The following MSH6 variants were observed in gnomAD, a reference collection of about 807,000 sequenced individuals.
MSH6 encodes the protein DNA mismatch repair protein Msh6.
A neutral mutation model predicts 119.1 loss-of-function variants in MSH6; 85 were observed. That is an observed-to-expected ratio of 0.71 (90% CI 0.60 to 0.85). MSH6 has a LOEUF of 0.85. Among genes scored for constraint, MSH6 ranks in the 40% least tolerant of loss-of-function variants. The pLI is 0.00. For missense variants in MSH6, 2,163 were observed against 1,655.3 expected (o/e 1.31, Z -5.32); for synonymous variants, 830 against 586.9 (o/e 1.41, Z -5.99).
intron 1 of MSH6, chr2:47,783,898 C>CGGGGCGG: frequency 8.9e-6 from 7 of 789,474 alleles, no homozygotes; most frequent in Middle Eastern, 6.4e-4. Flanking sequence ...ACTTGGTGGG[C>CGGGGCGG]GGGGCGGGGG....
chr2:47,793,834 G>A (rs1480363738), intron 2 of MSH6, among the ~76,000 whole-genome samples: 2 of 151,354 alleles, frequency 1.3e-5, no homozygotes, highest in Admixed American at 6.6e-5. Context: ...GGGTTCAAGC[G>A]ATTCTCCTGC....
chr2:47,787,502 T>C (rs1668417428), intron 1 of MSH6, among the ~76,000 whole-genome samples: 1 of 152,206 alleles, frequency 6.6e-6, no homozygotes, highest in Non-Finnish European at 1.5e-5. Flanking sequence ...GCTTTTCCTC[T>C]TAACATTTTT....
intron 2 of MSH6, among the ~76,000 whole-genome samples, chr2:47,795,420 TTA>T (rs1391318576): frequency 8.6e-6 from 1 of 116,884 alleles, no homozygotes; most frequent in South Asian, 3.2e-4. Context: ...ACAAGTTATT[TTA>T]TGTGTGTGTG....
rs1553413626 is a variant in MSH6 at position 47,800,235 on chromosome 2, A to G, written c.2252A>G (p.Asn751Ser). The change falls in exon 4 of 10, where the codon AAT (asparagine) becomes AGT (serine). Residue 751 changes from asparagine (N) to serine (S), a missense_variant. Transcript: ENST00000234420. Reference sequence around the variant, plus strand: ...TTGGAGATTTTTCTGAATGGAACAAATGGTTCTACTGAAGGAACCCTACTA... The same window carrying G: ...TTGGAGATTTTTCTGAATGGAACAAGTGGTTCTACTGAAGGAACCCTACTA... ...NNLEIFLNGT[N>S]GSTEGTLLER... is the part of the protein sequence containing the mutation. 6.2e-7 allele frequency: 1 copy of G among 1,614,202 alleles called. No individual in the cohort carries two copies. The highest frequency in any genetic ancestry group is 8.5e-7 in the Non-Finnish European group (1 of 1,180,020).
chr2:47,799,507 G>A lies in MSH6; in HGVS notation c.1524G>A (p.Val508=), dbSNP rs878853705. The A allele has an allele frequency of 1.9e-6, 3 of 1,614,030 alleles. No homozygotes were observed. The highest frequency in any genetic ancestry group is 1.7e-5 in the Admixed American group (1 of 59,986). ...CACATATATCCAAGTATGATAGAGT[G>A]GTGAGGAGGGAGATCTGTAGGATCA... ...KMAHISKYDR[V]VRREICRIIT... Residue 508 remains valine (V), a synonymous_variant, in exon 4 of 10, where the codon GTG becomes GTA. Transcript: ENST00000234420.
rs1216880840 is a variant in MSH6, at chr2:47,806,918, CATT to C, written c.*61_*63del. The C allele has an allele frequency of 2.4e-6, 3 of 1,224,516 alleles. No individual in the cohort carries two copies. The African/African-American group carries it at 4.5e-5, about 18-fold the overall frequency. The allele number at this position is 1,224,516 out of a possible 1,614,324, so 75.9% of individuals were successfully genotyped here. On this transcript the variant is annotated 3_prime_UTR_variant, in exon 10 of 10. Coordinates refer to ENST00000234420, the MANE Select transcript of MSH6 (RefSeq NM_000179.3). ...TGACAAAGGTGGTAAATTCAGACAA[CATT>C]ATGATCTAATAAACTTTATTTTTTA...
chr2:47,790,871 C>G, intron 1 of MSH6, 56 bp from the exon 2 acceptor site: 1 of 1,536,272 alleles, frequency 6.5e-7, no homozygotes, highest in African/African-American at 1.4e-5. Context: ...AGGTAACTGC[C>G]TTTAAGGAAA....
chr2:47,801,785 A>C (rs1669613656), intron 4 of MSH6, among the ~76,000 whole-genome samples: 1 of 151,966 alleles, frequency 6.6e-6, no homozygotes, highest in Non-Finnish European at 1.5e-5. Flanking sequence ...TTTACAGGTA[A>C]GCACCGGCGT....
chr2:47,803,206 C>T (rs1669712160), intron 4 of MSH6, among the ~76,000 whole-genome samples: 1 of 152,186 alleles, frequency 6.6e-6, no homozygotes, highest in African/African-American at 2.4e-5. Context: ...GCGTGAGCCA[C>T]CGTGCCTGGC....
chr2:47,801,386 T>TTTTTTTTTTTTTTTTTTTTTTTG (rs1355170686), intron 4 of MSH6: 1 of 490,852 alleles, frequency 2.0e-6, no homozygotes, highest in African/African-American at 2.1e-5. Context: ...TTTTTTTTTT[T>TTTTTTTTTTTTTTTTTTTTTTTG]GAGACATGGT....
At chr2:47,788,913 T>C (rs1558650152) in intron 1 of MSH6, among the ~76,000 whole-genome samples, 7 of 55,324 alleles carry the variant, frequency 1.3e-4, no homozygotes, top group Middle Eastern at 7.4e-3. Flanking sequence ...CTTCCTTTTT[T>C]TTTTTTTTGT....
chr2:47,783,853 TG>T, intron 1 of MSH6: 1 of 724,010 alleles, frequency 1.4e-6, no homozygotes, highest in Non-Finnish European at 1.5e-6. Flanking sequence ...GTGGGAGCAC[TG>T]GGGGTGGGGC....
At chr2:47,806,180 C>T (rs1284040594) in intron 7 of MSH6, 24 bp from the exon 8 acceptor site, 3 of 1,611,096 alleles carry the variant, frequency 1.9e-6, no homozygotes, top group Non-Finnish European at 1.7e-6. Context: ...GAGTTACTTC[C>T]TTATGCATAT....
chr2:47,792,217 G>C (rs1178687238), intron 2 of MSH6, among the ~76,000 whole-genome samples: 2 of 152,178 alleles, frequency 1.3e-5, no homozygotes, highest in Non-Finnish European at 2.9e-5. Context: ...TCCAACTTCT[G>C]ACCTCAGGTG....
rs1558392158 is a variant in MSH6 at position 47,806,280 on chromosome 2, T to C, written c.3723T>C (p.Cys1241=). 6.2e-7 allele frequency: 1 copy of C among 1,614,080 alleles called. No individual in the cohort carries two copies. The highest frequency in any genetic ancestry group is 1.1e-5 in the South Asian group (1 of 91,080). The stretch of plus-strand genomic sequence containing the variant: ...AAGAACTTGCTGAGACTATAAAATG[T>C]CGTACATTATTTTCAACTCACTACC... ...VVKELAETIK[C]RTLFSTHYHS... The change falls in exon 8 of 10, where the codon TGT becomes TGC. Residue 1241 remains cysteine (C), a synonymous_variant. Coordinates refer to ENST00000234420, the MANE Select transcript of MSH6 (RefSeq NM_000179.3).
At chr2:47,786,717 TTC>T (rs1404933307) in intron 1 of MSH6, among the ~76,000 whole-genome samples, 1 of 148,174 alleles carries the variant, frequency 6.7e-6, no homozygotes, top group Non-Finnish European at 1.5e-5. Context: ...CTTTTGCTGT[TTC>T]TTTTTTTTTT....
rs1336339961 is a variant in MSH6 at position 47,806,320 on chromosome 2, G to C, written c.3763G>C (p.Asp1255His). 2 of 1,614,114 alleles carry C rather than the reference G, an allele frequency of 1.2e-6. No individual in the cohort carries two copies. The highest frequency in any genetic ancestry group is 1.1e-5 in the South Asian group (1 of 91,078). ...FSTHYHSLVE[D>H]YSQNVAVRLG... ...AACTCACTACCATTCATTAGTAGAA[G>C]ATTATTCTCAAAATGTTGCTGTGCG... Residue 1255 changes from aspartate (D) to histidine (H), a missense_variant, in exon 8 of 10, where the codon GAT (aspartate) becomes CAT (histidine). Asp to His is a moderately conservative substitution (Grantham distance 81). Coordinates refer to ENST00000234420, the MANE Select transcript of MSH6 (RefSeq NM_000179.3).
chr2:47,810,099 C>T (rs868522905), downstream of MSH6: 34 of 513,588 alleles, frequency 6.6e-5, 1 homozygote, highest in Admixed American at 1.1e-4. Context: ...TTCATAATCA[C>T]GACTAAGCAA....
downstream of MSH6, chr2:47,808,765 C>A: frequency 3.6e-6 from 1 of 275,710 alleles, no homozygotes; most frequent in East Asian, 6.9e-5. Flanking sequence ...CACTTAACCC[C>A]GACATCTTTA....
Sources: allele counts gnomAD v4.1 joint callset (sites outside exome capture counted in the v4.1 genomes callset), GRCh38; gene constraint gnomAD v4.1.1; transcripts MANE v1.5; gene names NCBI Gene and HGNC (gene_info 2026-07-23, HGNC 2026-07-21).